The following NDE1 variants were observed in gnomAD, a reference collection of about 807,000 sequenced individuals.
The protein encoded by NDE1 is nudE neurodevelopment protein 1.
A neutral mutation model predicts 43.4 loss-of-function variants in NDE1; 28 were observed. The ratio of observed to expected loss-of-function variants is 0.65; its 90% CI spans 0.48 to 0.89. NDE1 has a LOEUF of 0.89. Ranked by LOEUF, NDE1 falls within the 40% of genes least tolerant of loss-of-function variation. NDE1 has a pLI of 0.00. For missense variants in NDE1, 441 were observed against 434.1 expected, an observed-to-expected ratio of 1.02 and a Z score of -0.14; for synonymous variants, 184 against 172.0, an observed-to-expected ratio of 1.07 and a Z score of -0.55.
At position 15,714,871 on chromosome 16, in the gene NDE1, C is replaced by G. The variant is rs374514458; in HGVS notation, c.948-9320C>G. 1.1e-5 allele frequency: 17 copies of G among 1,611,414 alleles called. 1 individual carries two copies. Among genetic ancestry groups the G allele is most frequent in the Admixed American group, 6.7e-5 (4 of 60,008 alleles). ...CGAGCCCCCAGTGCTTTTCTCTGGC[C>G]TGAGAGACGGGGTCCTCCCGGGCCA... is the stretch of plus-strand genomic sequence containing the variant. On this transcript the variant is annotated intron_variant, in intron 8 of 8. Transcript: ENST00000396354.
At chr16:15,648,968 G>A (rs899518764), upstream of NDE1, among the ~76,000 whole-genome samples, 7 of 152,102 alleles carry the variant, frequency 4.6e-5, no homozygotes, top group Non-Finnish European at 8.8e-5. Flanking sequence ...GGCCGAGGTG[G>A]GTGGATCACC....
chr16:15,678,050 C>A, intron 4 of NDE1, 101 bp downstream of exon 4: 1 of 1,443,734 alleles, frequency 6.9e-7, no homozygotes, highest in Non-Finnish European at 9.7e-7. Context: ...GGGAACTAAG[C>A]AGTGAGCAGA....
chr16:15,699,999 C>T (rs903881589), intron 8 of NDE1: 3 of 1,187,744 alleles, frequency 2.5e-6, no homozygotes, highest in Non-Finnish European at 3.2e-6. Context: ...TGGGGTTTGT[C>T]CCTGGGAAAT....
rs565008343 is a variant in NDE1 at position 15,716,755 on chromosome 16, C to A, written c.948-7436C>A. Reference sequence around the variant, plus strand: ...TCTCAAACTCCTGACCTCAAGTGATCCACCTGCCTCAGCCTCCCAAATTGC... The same window carrying A: ...TCTCAAACTCCTGACCTCAAGTGATACACCTGCCTCAGCCTCCCAAATTGC... On this transcript the variant is annotated intron_variant, in intron 8 of 8. Coordinates refer to ENST00000396354, the MANE Select transcript of NDE1 (RefSeq NM_017668.3). Among the ~76,000 whole-genome samples, 220 of 152,308 alleles carry A rather than the reference C, an allele frequency of 1.4e-3. 2 individuals are homozygous for A. Among genetic ancestry groups the A allele is most frequent in the Admixed American group, 5.0e-3 (77 of 15,300 alleles).
intron 8 of NDE1, among the ~76,000 whole-genome samples, chr16:15,700,668 C>T (rs2039191145): frequency 6.6e-6 from 1 of 151,690 alleles, no homozygotes; most frequent in South Asian, 2.1e-4. Flanking sequence ...CCATGCTGGT[C>T]TTGAACTCCC....
At chr16:15,695,407 C>G in intron 7 of NDE1, 1 of 759,120 alleles carries the variant, frequency 1.3e-6, no homozygotes, top group Non-Finnish European at 1.6e-6. Flanking sequence ...ACTTGAGAGG[C>G]TTATGCAGGA....
chr16:15,661,241 C>T (rs963194800), intron 1 of NDE1, among the ~76,000 whole-genome samples: 7 of 151,626 alleles, frequency 4.6e-5, no homozygotes, highest in Non-Finnish European at 7.4e-5. Context: ...CTCCGCCTCC[C>T]GGGTTCAAGC....
chr16:15,710,905 T>G (rs1235151715), intron 8 of NDE1, among the ~76,000 whole-genome samples: 3 of 152,152 alleles, frequency 2.0e-5, no homozygotes, highest in African/African-American at 2.4e-5. Flanking sequence ...CTCGAACTCC[T>G]GACCTCAGGT....
chr16:15,680,071 A>G (rs1050369657), intron 4 of NDE1, among the ~76,000 whole-genome samples: 1 of 152,100 alleles, frequency 6.6e-6, no homozygotes, highest in African/African-American at 2.4e-5. Flanking sequence ...GAGCCACCAT[A>G]CCCAGCCAGA....
intron 3 of NDE1, among the ~76,000 whole-genome samples, chr16:15,669,946 T>C (rs2037508145): frequency 6.6e-6 from 1 of 152,154 alleles, no homozygotes; most frequent in Non-Finnish European, 1.5e-5. Context: ...AACCATCCCT[T>C]CTGTACATGC....
intron 8 of NDE1, among the ~76,000 whole-genome samples, chr16:15,705,146 T>A (rs1310714007): frequency 6.6e-6 from 1 of 152,160 alleles, no homozygotes; most frequent in Non-Finnish European, 1.5e-5. Flanking sequence ...CACGCCTGGC[T>A]AATTTTTGTA....
chr16:15,658,845 C>T (rs1003085785), intron 1 of NDE1, among the ~76,000 whole-genome samples: 1 of 152,158 alleles, frequency 6.6e-6, no homozygotes, highest in African/African-American at 2.4e-5. Context: ...TTAGTGTAGA[C>T]AGGATTTTAC....
At chr16:15,698,435 G>T (rs940151240) in intron 8 of NDE1, among the ~76,000 whole-genome samples, 5 of 152,206 alleles carry the variant, frequency 3.3e-5, no homozygotes, top group Non-Finnish European at 7.3e-5. Context: ...CAGGAATTCT[G>T]CAAGGTGTGT....
chr16:15,669,814 A>T (rs1178528426), intron 3 of NDE1, among the ~76,000 whole-genome samples: 1 of 152,212 alleles, frequency 6.6e-6, no homozygotes, highest in Non-Finnish European at 1.5e-5. Context: ...GATGTTTGGC[A>T]GCATCCCTGG....
intron 8 of NDE1, among the ~76,000 whole-genome samples, chr16:15,710,699 G>T (rs67006130): frequency 0.64 from 96,702 of 150,246 alleles, 31,069 homozygotes; most frequent in South Asian, 0.72. Context: ...TTTTTTTTTT[G>T]GAGACAGAGT....
intron 8 of NDE1, chr16:15,711,365 T>G (rs1048008018): frequency 3.9e-5 from 6 of 152,282 alleles, no homozygotes; most frequent in Middle Eastern, 6.8e-3. Flanking sequence ...TAATGGCTGT[T>G]GTCACTCCCT....
At chr16:15,687,573 TC>T in intron 5 of NDE1, 62 bp downstream of exon 5, 1 of 1,437,488 alleles carries the variant, frequency 7.0e-7, no homozygotes. Context: ...CAACATCTTG[TC>T]CCACAAGCTC....
chr16:15,721,137 G>A (rs1418458557), intron 8 of NDE1: 9 of 1,451,162 alleles, frequency 6.2e-6, no homozygotes, highest in Non-Finnish European at 8.6e-6. Context: ...CACCTCAGGA[G>A]ATCAGGGAGG....
intron 5 of NDE1, among the ~76,000 whole-genome samples, chr16:15,690,353 CTTTTTT>C (rs869069843): frequency 1.9e-4 from 15 of 80,980 alleles, no homozygotes; most frequent in Non-Finnish European, 1.9e-4. Context: ...TTTTTTTTTT[CTTTTTT>C]TTTTTTTTTT....
Sources: allele counts gnomAD v4.1 joint callset (sites outside exome capture counted in the v4.1 genomes callset), GRCh38; gene constraint gnomAD v4.1.1; transcripts MANE v1.5; gene names NCBI Gene and HGNC (gene_info 2026-07-23, HGNC 2026-07-21).